Variants in NPHP4 observed in about 807,000 individuals in gnomAD.
NPHP4 encodes nephrocystin-4.
A neutral mutation model predicts 155.8 loss-of-function variants in NPHP4; 151 were observed. That is an observed-to-expected ratio of 0.97 (90% CI 0.85 to 1.11). NPHP4 has a LOEUF of 1.11. Ranked by LOEUF, NPHP4 falls within the 50% of genes least tolerant of loss-of-function variation. NPHP4 has a pLI of 0.00. For missense variants in NPHP4, 1,956 were observed against 1,925.7 expected, an observed-to-expected ratio of 1.02 and a Z score of -0.29; for synonymous variants, 845 against 816.8, an observed-to-expected ratio of 1.03 and a Z score of -0.59.
rs113802525 is a variant in NPHP4, at chr1:5,874,957, G to A, written c.2961C>T (p.Val987=). 40 of 1,613,244 alleles carry A rather than the reference G, an allele frequency of 2.5e-5. No homozygotes were observed. Among genetic ancestry groups the A allele is most frequent in the African/African-American group, 6.7e-5 (5 of 74,924 alleles). Residue 987 remains valine (V), a synonymous_variant, in exon 21 of 30, where the codon GTC becomes GTT. Coordinates refer to ENST00000378156, the MANE Select transcript of NPHP4 (RefSeq NM_015102.5). ...TEHTLHATLG[V]AEFFEFVLKN... Reference sequence around the variant, plus strand: ...TAAGCACAAACTCAAAGAACTCGGCGACCCCCAGCGTGGCGTGGAGCGTGT... The same window carrying A: ...TAAGCACAAACTCAAAGAACTCGGCAACCCCCAGCGTGGCGTGGAGCGTGT...
chr1:5,964,941 A>ATATATTTTTTTT lies in NPHP4; in HGVS notation c.517+2357_517+2358insAAAAAAAATATA. Reference sequence around the variant, plus strand: ...ATTATATATATATATATATATATATATTTTTTTTTTTTGAGGCAGGGTCTC... The same window carrying ATATATTTTTTTT: ...ATTATATATATATATATATATATATATATATTTTTTTTTTTTTTTTTTTTGAGGCAGGGTCTC... On this transcript the variant is annotated intron_variant, in intron 5 of 29. Coordinates refer to ENST00000378156, the MANE Select transcript of NPHP4 (RefSeq NM_015102.5). Among the ~76,000 whole-genome samples the ATATATTTTTTTT allele has an allele frequency of 2.1e-3, 127 of 59,404 alleles. 5 individuals carry two copies. The highest frequency in any genetic ancestry group is 0.013 in the Middle Eastern group (1 of 78). The allele number at this position is 59,404 out of a possible 152,430, so 39.0% of individuals were successfully genotyped here.
At chr1:5,955,039 A>C (rs1348704478) in intron 6 of NPHP4, among the ~76,000 whole-genome samples, 1 of 152,124 alleles carries the variant, frequency 6.6e-6, no homozygotes, top group Non-Finnish European at 1.5e-5. Flanking sequence ...GAAAAAAAAA[A>C]AAACTAGTAG....
intron 23 of NPHP4, among the ~76,000 whole-genome samples, chr1:5,868,587 T>C (rs1025444292): frequency 3.6e-5 from 5 of 139,204 alleles, no homozygotes; most frequent in South Asian, 2.3e-4. Context: ...TACACATACA[T>C]GCACACCCAC....
At position 5,932,760 on chromosome 1, in the gene NPHP4, A is replaced by C. The variant is rs536364270; in HGVS notation, c.1302+387T>G. Among the ~76,000 whole-genome samples, 28 of 152,222 alleles carry C rather than the reference A, an allele frequency of 1.8e-4. No homozygotes were observed. The South Asian group carries it at 5.6e-3, about 30-fold the overall frequency. ...TAGTGATAAGTCACAAAGATAAGCC[A>C]GGGCTAGAAACCAGAACCGGCTCCC... On this transcript the variant is annotated intron_variant, in intron 10 of 29. Coordinates refer to ENST00000378156, the MANE Select transcript of NPHP4 (RefSeq NM_015102.5).
chr1:5,872,009 T>G (rs1570113188), intron 23 of NPHP4, among the ~76,000 whole-genome samples: 1 of 106,372 alleles, frequency 9.4e-6, no homozygotes, highest in South Asian at 3.6e-4. Context: ...ACGTAAAGAT[T>G]ATTTTAAGGT....
In NPHP4 at chr1:5,864,439, C is replaced by T. The variant is rs371368653; in HGVS notation, c.3895G>A (p.Gly1299Ser). The T allele has an allele frequency of 1.8e-4, 288 of 1,608,414 alleles. No homozygotes were observed. Among genetic ancestry groups the T allele is most frequent in the Non-Finnish European group, 2.2e-4 (259 of 1,177,808 alleles). Residue 1299 changes from glycine (G) to serine (S), a missense_variant, in exon 28 of 30, where the codon GGC (glycine) becomes AGC (serine). Coordinates refer to ENST00000378156, the MANE Select transcript of NPHP4 (RefSeq NM_015102.5). ...AGGTTGAGATGGACAAAGCGGCTGC[C>T]GGCCCTAAGGGGCCTCACGCCAACA... ...LHVGVRPLRA[G>S]SRFVHLNLVD...
intron 23 of NPHP4, among the ~76,000 whole-genome samples, chr1:5,868,825 T>C (rs1279341797): frequency 7.0e-5 from 6 of 85,110 alleles, no homozygotes; most frequent in African/African-American, 1.5e-4. Context: ...CACCCACACA[T>C]GCACACACGC....
intron 16 of NPHP4, among the ~76,000 whole-genome samples, chr1:5,898,777 T>G (rs1644523876): frequency 3.3e-5 from 5 of 152,214 alleles, no homozygotes; most frequent in African/African-American, 4.8e-5. Flanking sequence ...CTTTAAAATC[T>G]TACATGTCCT....
chr1:5,940,230 G>A (rs1239567215), intron 9 of NPHP4, among the ~76,000 whole-genome samples: 17 of 152,118 alleles, frequency 1.1e-4, no homozygotes, highest in Admixed American at 9.8e-4. Flanking sequence ...CCATTGTCTC[G>A]GGAATGGGCC....
chr1:5,890,988 C>T lies in NPHP4; in HGVS notation c.2184G>A (p.Gly728=), dbSNP rs1475748304. The change falls in exon 17 of 30, where the codon GGG becomes GGA. Residue 728 remains glycine, a synonymous_variant. Coordinates refer to ENST00000378156, the MANE Select transcript of NPHP4 (RefSeq NM_015102.5). The surrounding 1 kb of genome is among the most constrained non-coding windows in gnomAD (Gnocchi z 4.9). ...AGCGCCGCTCACCTGGCTTCAGGAA[C>T]CCAGGGCCCACCATGTACCTCAGCT... ...GFQLRYMVGP[G]FLKPGERRCF... The T allele has an allele frequency of 6.3e-7, 1 of 1,577,450 alleles. No homozygotes were observed. The highest frequency in any genetic ancestry group is 1.3e-5 in the African/African-American group (1 of 74,504).
chr1:5,949,076 T>C (rs968281215), intron 7 of NPHP4, among the ~76,000 whole-genome samples: 3 of 152,142 alleles, frequency 2.0e-5, no homozygotes, highest in Non-Finnish European at 4.4e-5. Context: ...GCCAGTTGGA[T>C]TGGAACAAAA....
At chr1:5,964,392 C>T (rs758330513) in intron 5 of NPHP4, among the ~76,000 whole-genome samples, 3 of 152,288 alleles carry the variant, frequency 2.0e-5, no homozygotes, top group South Asian at 2.1e-4. Flanking sequence ...TGACCAAATA[C>T]CAGAGAGAGA....
chr1:5,870,203 T>C (rs1158354800), intron 23 of NPHP4, among the ~76,000 whole-genome samples: 1 of 152,170 alleles, frequency 6.6e-6, no homozygotes, highest in Non-Finnish European at 1.5e-5. Context: ...CGTCTTGCTG[T>C]GCTGGGCAGT....
chr1:5,885,461 G>A (rs947049885), intron 18 of NPHP4, among the ~76,000 whole-genome samples: 2 of 152,246 alleles, frequency 1.3e-5, no homozygotes, highest in Admixed American at 1.3e-4. Context: ...GCTGTCCCTG[G>A]ACGACAAAAG....
chr1:5,868,760 T>G (rs1641575325), intron 23 of NPHP4, among the ~76,000 whole-genome samples: 1 of 102,164 alleles, frequency 9.8e-6, no homozygotes, highest in Admixed American at 8.9e-5. Flanking sequence ...TGTACACATA[T>G]GCATGCACCC....
Position 5,864,511 on chromosome 1 carries a change from G to T in NPHP4, c.3823C>A (p.Pro1275Thr), listed in dbSNP as rs372368173. The T allele has an allele frequency of 1.6e-5, 25 of 1,571,562 alleles. No individual in the cohort carries two copies. The highest frequency in any genetic ancestry group is 1.7e-5 in the Non-Finnish European group (20 of 1,155,784). Residue 1275 changes from proline to threonine, a missense_variant, in exon 28 of 30, where the codon CCC (proline) becomes ACC (threonine). Transcript: ENST00000378156. Reference sequence around the variant, plus strand: ...GGCGGCAGCACGAAGACACCTTTGGGGTCTGTCTTCAAGAGCGAGAGAGGC... The same window carrying T: ...GGCGGCAGCACGAAGACACCTTTGGTGTCTGTCTTCAAGAGCGAGAGAGGC... ...TSHPQELKTDPKGVFVLPPRG... is the reference protein window; with the variant it reads ...TSHPQELKTDTKGVFVLPPRG...
chr1:5,990,196 C>T (rs1656028457), intron 1 of NPHP4, among the ~76,000 whole-genome samples: 1 of 152,224 alleles, frequency 6.6e-6, no homozygotes, highest in Non-Finnish European at 1.5e-5. Context: ...CATCCCCCAC[C>T]TCCGGCTGCT....
chr1:5,928,417 G>GAT (rs1334850417), intron 10 of NPHP4, among the ~76,000 whole-genome samples: 1 of 152,172 alleles, frequency 6.6e-6, no homozygotes, highest in African/African-American at 2.4e-5. Flanking sequence ...ATTACTGAGT[G>GAT]ATATTCTATT....
At chr1:5,952,246 C>G (rs1648238678) in intron 7 of NPHP4, among the ~76,000 whole-genome samples, 1 of 152,184 alleles carries the variant, frequency 6.6e-6, no homozygotes, top group African/African-American at 2.4e-5. Context: ...GAAACGAGCC[C>G]CATGTCCCCG....
Sources: gnomAD v4.1 joint callset for allele counts (sites outside exome capture counted in the v4.1 genomes callset) on GRCh38, gnomAD v4.1.1 for gene constraint, Gnocchi (gnomAD v3.1) non-coding constraint, MANE v1.5 for transcripts, NCBI Gene and HGNC (gene_info 2026-07-23, HGNC 2026-07-21) for gene names.